The following RAB3C variants were observed in gnomAD, a reference collection of about 807,000 sequenced individuals.
RAB3C encodes the protein ras-related protein Rab-3C.
RAB3C carries 17 observed loss-of-function variants against 26.4 expected under a neutral mutation model. The observed-to-expected ratio is 0.64, with a 90% CI of 0.44 to 0.97. The LOEUF (loss-of-function observed/expected upper bound fraction) is 0.97. RAB3C is among the 50% of genes least tolerant of loss of function. The pLI is 0.00. For synonymous variants in RAB3C, 91 were observed against 95.9 expected, an observed-to-expected ratio of 0.95 and a Z score of 0.30; for missense variants, 242 against 281.9, an observed-to-expected ratio of 0.86 and a Z score of 1.01.
chr5:58,726,760 G>A (rs1044425219), intron 3 of RAB3C, among the ~76,000 whole-genome samples: 2 of 151,998 alleles, frequency 1.3e-5, no homozygotes, highest in Non-Finnish European at 2.9e-5. Context: ...ACTCATAGCT[G>A]CATGAAACTA....
chr5:58,652,801 G>A (rs1187429801), intron 2 of RAB3C, among the ~76,000 whole-genome samples: 1 of 151,334 alleles, frequency 6.6e-6, no homozygotes, highest in Non-Finnish European at 1.5e-5. Context: ...CTTTATAATA[G>A]TTTCAGTATT....
chr5:58,691,378 C>A (rs904127882), intron 2 of RAB3C, among the ~76,000 whole-genome samples: 1 of 152,014 alleles, frequency 6.6e-6, no homozygotes, highest in Non-Finnish European at 1.5e-5. Context: ...GGGGTGTCTT[C>A]TGGATAAATA....
rs986754870 is a variant in RAB3C, at chr5:58,661,744, A to G, written c.252+43874A>G. On this transcript the variant is annotated intron_variant, in intron 2 of 4. Transcript: ENST00000282878. ...ATTAACCCTATTTCTAAGAGCTGCT[A>G]ATTGCTGGAACTATTGGCCCTGTCT... Among the ~76,000 whole-genome samples the G allele has an allele frequency of 3.8e-4, 56 of 148,558 alleles. 2 individuals carry two copies. Among genetic ancestry groups the G allele is most frequent in the Admixed American group, 1.3e-4 (2 of 15,054 alleles).
chr5:58,640,561 A>G (rs1024916842), intron 2 of RAB3C, among the ~76,000 whole-genome samples: 3 of 152,204 alleles, frequency 2.0e-5, no homozygotes, highest in African/African-American at 4.8e-5. Context: ...CTGTGAGGAC[A>G]TAATTATTAT....
At chr5:58,607,217 AG>A (rs1406139345) in intron 1 of RAB3C, among the ~76,000 whole-genome samples, 1 of 152,220 alleles carries the variant, frequency 6.6e-6, no homozygotes, top group Non-Finnish European at 1.5e-5. Context: ...AAGGACCTTA[AG>A]TGACTTGATG....
intron 1 of RAB3C, among the ~76,000 whole-genome samples, chr5:58,612,863 G>C (rs1273961256): frequency 6.6e-6 from 1 of 151,910 alleles, no homozygotes; most frequent in Non-Finnish European, 1.5e-5. Flanking sequence ...ATACTGTGTT[G>C]AATAGGAGTG....
chr5:58,783,405 T>C (rs781506331), intron 3 of RAB3C, among the ~76,000 whole-genome samples: 13 of 152,186 alleles, frequency 8.5e-5, no homozygotes, highest in Non-Finnish European at 1.5e-4. Flanking sequence ...CATGTGTGTA[T>C]CATTTAGAAC....
intron 3 of RAB3C, among the ~76,000 whole-genome samples, chr5:58,810,786 G>A (rs938652677): frequency 2.0e-5 from 3 of 152,118 alleles, no homozygotes; most frequent in Admixed American, 2.0e-4. Flanking sequence ...TAGTAGAGAC[G>A]GGGTTTCGCC....
intron 2 of RAB3C, among the ~76,000 whole-genome samples, chr5:58,687,430 T>C (rs951627298): frequency 1.3e-5 from 2 of 152,114 alleles, no homozygotes; most frequent in African/African-American, 4.8e-5. Flanking sequence ...AGAATAGGGC[T>C]AAAAATGAAG....
rs1404415382 is a variant in RAB3C at position 58,854,635 on chromosome 5, A to G, written c.*3284A>G. 6.6e-6 allele frequency: 1 copy of G among 152,156 alleles called. No homozygotes were observed. Among genetic ancestry groups the G allele is most frequent in the East Asian group, 1.9e-4 (1 of 5,200 alleles). 9.4% of individuals were successfully genotyped at this position (152,156 alleles called of 1,614,324 possible). ...CTTGATGAACTTCTAATGACTGTGA[A>G]AGCTAGGAGGTTCTTCTAGTTCCTC... On this transcript the variant is annotated 3_prime_UTR_variant, in exon 5 of 5. Transcript: ENST00000282878.
At chr5:58,793,327 G>T (rs986123001) in intron 3 of RAB3C, among the ~76,000 whole-genome samples, 22 of 152,254 alleles carry the variant, frequency 1.4e-4, no homozygotes, top group African/African-American at 5.1e-4. Context: ...GGGGGGCCGA[G>T]GCAGGCAGAT....
chr5:58,693,353 T>TAC (rs1554048087), intron 2 of RAB3C, among the ~76,000 whole-genome samples: 4 of 142,268 alleles, frequency 2.8e-5, no homozygotes, highest in African/African-American at 1.1e-4. Flanking sequence ...TATATATATA[T>TAC]ATATATATAA....
chr5:58,623,932 T>A (rs777059459), intron 2 of RAB3C, among the ~76,000 whole-genome samples: 5 of 152,090 alleles, frequency 3.3e-5, no homozygotes, highest in Non-Finnish European at 7.4e-5. Flanking sequence ...CATTTCCTCG[T>A]TTATGTAGTG....
intron 2 of RAB3C, among the ~76,000 whole-genome samples, chr5:58,629,539 C>T (rs1383104344): frequency 6.6e-6 from 1 of 152,038 alleles, no homozygotes; most frequent in Admixed American, 6.6e-5. Flanking sequence ...AAAAGACCAG[C>T]CAAATGAGAA....
At chr5:58,655,272 C>G (rs1344120402) in intron 2 of RAB3C, among the ~76,000 whole-genome samples, 1 of 152,148 alleles carries the variant, frequency 6.6e-6, no homozygotes, top group Admixed American at 6.5e-5. Flanking sequence ...CTCATCCAGT[C>G]AAGAGATGAA....
chr5:58,718,338 A>C (rs1187232679), intron 2 of RAB3C, among the ~76,000 whole-genome samples: 1 of 152,082 alleles, frequency 6.6e-6, no homozygotes, highest in Non-Finnish European at 1.5e-5. Flanking sequence ...TGAGTGTTTA[A>C]ATAGCATTTA....
At chr5:58,589,913 T>C (rs1484488969) in intron 1 of RAB3C, among the ~76,000 whole-genome samples, 1 of 152,156 alleles carries the variant, frequency 6.6e-6, no homozygotes, top group Non-Finnish European at 1.5e-5. Flanking sequence ...TGAAGAAGGC[T>C]GTGTGTCAAG....
At chr5:58,812,004 T>G (rs553159025) in intron 3 of RAB3C, among the ~76,000 whole-genome samples, 14 of 152,280 alleles carry the variant, frequency 9.2e-5, no homozygotes, top group Admixed American at 3.9e-4. Context: ...GACTCATGAT[T>G]TTTTTAATCC....
chr5:58,686,686 A>G (rs1748450733), intron 2 of RAB3C, among the ~76,000 whole-genome samples: 1 of 148,068 alleles, frequency 6.8e-6, no homozygotes, highest in South Asian at 2.2e-4. Flanking sequence ...ACATACACAC[A>G]CACACATACA....
Sources: gnomAD v4.1 joint callset for allele counts (sites outside exome capture counted in the v4.1 genomes callset) on GRCh38, gnomAD v4.1.1 for gene constraint, MANE v1.5 for transcripts, NCBI Gene and HGNC (gene_info 2026-07-23, HGNC 2026-07-21) for gene names.